Variants in ZNF385D observed in about 807,000 individuals in gnomAD.
ZNF385D encodes zinc finger protein 385D.
In ZNF385D, 15 loss-of-function variants were observed where a neutral mutation model predicts 35.8. The ratio of observed to expected loss-of-function variants is 0.42; its 90% confidence interval spans 0.28 to 0.64. ZNF385D has a LOEUF of 0.64. ZNF385D is among the 30% of genes least tolerant of loss of function. The pLI, the probability that ZNF385D is intolerant of heterozygous loss-of-function variation, is 0.23. For missense variants in ZNF385D, 474 were observed against 494.6 expected (o/e 0.96, Z 0.39); for synonymous variants, 212 against 186.8 (o/e 1.13, Z -1.10).
At chr3:22,229,788 C>G (rs1046551214) in intron 2 of ZNF385D, among the ~76,000 whole-genome samples, 5 of 152,096 alleles carry the variant, frequency 3.3e-5, no homozygotes, top group African/African-American at 1.2e-4. Context: ...TTTATCAAGG[C>G]AGGGTCTCTG....
rs1048936292 is a variant in ZNF385D, at chr3:21,436,864, G to A, written c.673+106C>T. On this transcript the variant is annotated intron_variant, in intron 5 of 7. Coordinates refer to ENST00000281523, the MANE Select transcript of ZNF385D (RefSeq NM_024697.3). ...GGTTAATGATTTCCATGTAATAATT[G>A]CCAGTTTTCCTCCACCCCTTTGTCC... 3 of 1,010,914 alleles carry A rather than the reference G, an allele frequency of 3.0e-6. No individual in the cohort carries two copies. In the East Asian group the frequency reaches 7.6e-5, roughly 25 times the overall value. The allele number at this position is 1,010,914 out of a possible 1,614,324, so 62.6% of individuals were successfully genotyped here.
At chr3:22,216,598 A>G (rs1406746771) in intron 2 of ZNF385D, among the ~76,000 whole-genome samples, 1 of 152,144 alleles carries the variant, frequency 6.6e-6, no homozygotes, top group Non-Finnish European at 1.5e-5. Context: ...TTTTGATTTA[A>G]AAAGTTCATA....
intron 2 of ZNF385D, among the ~76,000 whole-genome samples, chr3:21,611,105 T>C (rs188930975): frequency 8.0e-4 from 122 of 152,368 alleles, no homozygotes; most frequent in Non-Finnish European, 1.4e-3. Context: ...TACAATCTTA[T>C]GTGGCATAAT....
intron 3 of ZNF385D, among the ~76,000 whole-genome samples, chr3:22,157,783 T>A (rs1705688941): frequency 6.6e-6 from 1 of 152,116 alleles, no homozygotes; most frequent in African/African-American, 2.4e-5. Flanking sequence ...GTTGGAAAAT[T>A]GGAAACGAGT....
chr3:21,818,958 T>G (rs1248780476), intron 3 of ZNF385D, among the ~76,000 whole-genome samples: 1 of 151,954 alleles, frequency 6.6e-6, no homozygotes, highest in Non-Finnish European at 1.5e-5. Context: ...GCTATTTAAT[T>G]TTCATATTCA....
At chr3:21,734,338 TTAC>T (rs2125499765) in intron 1 of ZNF385D, among the ~76,000 whole-genome samples, 1 of 147,750 alleles carries the variant, frequency 6.8e-6, no homozygotes, top group Non-Finnish European at 1.5e-5. Flanking sequence ...AAAAGAATAA[TTAC>T]TTTTTGTAAA....
At chr3:21,464,569 C>T (rs1703386561) in intron 4 of ZNF385D, among the ~76,000 whole-genome samples, 1 of 152,068 alleles carries the variant, frequency 6.6e-6, no homozygotes, top group Non-Finnish European at 1.5e-5. Flanking sequence ...ACAGTCAACT[C>T]TTCCTTAAAT....
chr3:22,314,108 C>A (rs1228102453), intron 2 of ZNF385D, among the ~76,000 whole-genome samples: 1 of 151,938 alleles, frequency 6.6e-6, no homozygotes, highest in Non-Finnish European at 1.5e-5. Flanking sequence ...CTTTTTTAAA[C>A]TGTTTTAAAT....
chr3:22,281,665 G>T (rs867863084), intron 2 of ZNF385D, among the ~76,000 whole-genome samples: 1 of 151,390 alleles, frequency 6.6e-6, no homozygotes, highest in Non-Finnish European at 1.5e-5. Flanking sequence ...GAGGACTTTT[G>T]CATCTATGTT....
At chr3:22,203,107 C>A (rs1009818654) in intron 2 of ZNF385D, among the ~76,000 whole-genome samples, 1 of 152,080 alleles carries the variant, frequency 6.6e-6, no homozygotes, top group Non-Finnish European at 1.5e-5. Flanking sequence ...CCAGGCAGTG[C>A]AGCTCACAGC....
chr3:21,721,315 A>G (rs901049864), intron 1 of ZNF385D, among the ~76,000 whole-genome samples: 1 of 151,846 alleles, frequency 6.6e-6, no homozygotes, highest in African/African-American at 2.4e-5. Context: ...AAGAATATTG[A>G]TGGACATTTC....
chr3:21,575,135 C>G (rs574542668), intron 2 of ZNF385D, among the ~76,000 whole-genome samples: 1 of 152,122 alleles, frequency 6.6e-6, no homozygotes, highest in East Asian at 1.9e-4. Flanking sequence ...CGTAAAAATG[C>G]CAATCATTCA....
At chr3:21,915,862 C>A (rs932449854) in intron 3 of ZNF385D, among the ~76,000 whole-genome samples, 2 of 152,030 alleles carry the variant, frequency 1.3e-5, no homozygotes, top group African/African-American at 4.8e-5. Context: ...AAGAACTTTA[C>A]CAAACACGGC....
At chr3:22,049,922 G>C (rs935052185) in intron 3 of ZNF385D, among the ~76,000 whole-genome samples, 43 of 152,086 alleles carry the variant, frequency 2.8e-4, no homozygotes, top group African/African-American at 9.7e-4. Context: ...GAGGAATTTT[G>C]CATCTATGTT....
intron 3 of ZNF385D, among the ~76,000 whole-genome samples, chr3:21,806,634 T>C (rs1315538575): frequency 6.6e-6 from 1 of 152,196 alleles, no homozygotes; most frequent in East Asian, 1.9e-4. Context: ...CAGACCTAAT[T>C]TTTTGGGAGA....
chr3:21,702,004 C>T (rs368097820), intron 1 of ZNF385D, among the ~76,000 whole-genome samples: 91 of 152,196 alleles, frequency 6.0e-4, no homozygotes, highest in African/African-American at 2.1e-3. Flanking sequence ...ATGGTGCAAG[C>T]GGTTGGTGGA....
At chr3:22,111,185 T>TTTTTTTTTTTTTTTTTTTTTTG in intron 3 of ZNF385D, among the ~76,000 whole-genome samples, 1 of 122,098 alleles carries the variant, frequency 8.2e-6, no homozygotes, top group Non-Finnish European at 1.7e-5. Flanking sequence ...TTGTTTTTTT[T>TTTTTTTTTTTTTTTTTTTTTTG]GTACTCTCAG....
rs1049491528 is a variant in ZNF385D at position 21,420,836 on chromosome 3, A to C, written c.*378T>G. ...CTACAGAGTAAATTATTTTATATAC[A>C]TTGGAACCAGTTAATGCCCTTAGAC... On this transcript the variant is annotated 3_prime_UTR_variant, in exon 8 of 8. Coordinates refer to ENST00000281523, the MANE Select transcript of ZNF385D (RefSeq NM_024697.3). 1 of 167,434 alleles carries C rather than the reference A, an allele frequency of 6.0e-6. No individual in the cohort carries two copies. Among genetic ancestry groups the C allele is most frequent in the Non-Finnish European group, 1.3e-5 (1 of 77,490 alleles). 10.4% of individuals were successfully genotyped at this position (167,434 alleles called of 1,614,324 possible).
intron 3 of ZNF385D, among the ~76,000 whole-genome samples, chr3:21,926,328 C>T (rs1700726564): frequency 6.6e-6 from 1 of 152,026 alleles, no homozygotes; most frequent in Non-Finnish European, 1.5e-5. Flanking sequence ...GCTCCCCTCC[C>T]TGTGTCCATG....
Sources: gnomAD v4.1 joint callset for allele counts (sites outside exome capture counted in the v4.1 genomes callset) on GRCh38, gnomAD v4.1.1 for gene constraint, MANE v1.5 for transcripts, NCBI Gene and HGNC (gene_info 2026-07-23, HGNC 2026-07-21) for gene names.